The following PACRG variants were observed in gnomAD, a reference collection of about 807,000 sequenced individuals.
PACRG encodes parkin coregulated gene protein.
Under a neutral mutation model 29.7 loss-of-function variants are expected in PACRG, and 29 were observed. The observed-to-expected ratio is 0.98, with a 90% CI of 0.73 to 1.33. The LOEUF is 1.33. PACRG is among the 40% of genes most tolerant of loss of function. PACRG has a pLI of 0.00. For missense variants in PACRG, 279 were observed against 316.2 expected (o/e 0.88, Z 0.89); for synonymous variants, 116 against 118.7 (o/e 0.98, Z 0.15).
chr6:162,906,154 T>C (rs1406614169), intron 2 of PACRG, among the ~76,000 whole-genome samples: 1 of 152,258 alleles, frequency 6.6e-6, no homozygotes, highest in Non-Finnish European at 1.5e-5. Context: ...ATTTTAATAA[T>C]GATTTTTTGT....
chr6:162,775,959 G>A (rs1216704548), intron 1 of PACRG, among the ~76,000 whole-genome samples: 1 of 152,086 alleles, frequency 6.6e-6, no homozygotes, highest in African/African-American at 2.4e-5. Context: ...AGGTTTTGTG[G>A]GGCTTGAAGC....
At chr6:162,864,423 G>T (rs1220254413) in intron 2 of PACRG, among the ~76,000 whole-genome samples, 2 of 151,936 alleles carry the variant, frequency 1.3e-5, no homozygotes, top group African/African-American at 4.8e-5. Context: ...CTTATTCTAG[G>T]TGCTCACACA....
chr6:162,741,569 A>G (rs1269394463), intron 1 of PACRG, among the ~76,000 whole-genome samples: 2 of 152,034 alleles, frequency 1.3e-5, no homozygotes, highest in African/African-American at 2.4e-5. Flanking sequence ...TAAAGGCCCC[A>G]TTCTCAAGAC....
intron 1 of PACRG, among the ~76,000 whole-genome samples, chr6:162,811,019 CAG>C (rs1327157276): frequency 2.0e-5 from 3 of 151,954 alleles, no homozygotes; most frequent in Non-Finnish European, 4.4e-5. Context: ...AAATTAAAGA[CAG>C]AGAAAAATCG....
chr6:162,820,940 T>A (rs1787791371), intron 2 of PACRG, among the ~76,000 whole-genome samples: 1 of 152,104 alleles, frequency 6.6e-6, no homozygotes, highest in Non-Finnish European at 1.5e-5. Context: ...GATTAATTAA[T>A]AGACAGAGCT....
chr6:163,118,557 G>C (rs1177646424), intron 4 of PACRG, among the ~76,000 whole-genome samples: 1 of 152,182 alleles, frequency 6.6e-6, no homozygotes, highest in Non-Finnish European at 1.5e-5. Flanking sequence ...ATTCATGTTA[G>C]GCTGATCCTA....
chr6:162,829,846 T>A (rs1001188520), intron 2 of PACRG, among the ~76,000 whole-genome samples: 15 of 152,140 alleles, frequency 9.9e-5, no homozygotes, highest in African/African-American at 2.7e-4. Context: ...AGATGTGGCA[T>A]ATTTGGGGAT....
chr6:162,905,854 T>A (rs926464532), intron 2 of PACRG, among the ~76,000 whole-genome samples: 2 of 152,010 alleles, frequency 1.3e-5, no homozygotes, highest in Non-Finnish European at 1.5e-5. Flanking sequence ...GAGAGTGAAA[T>A]GGTGGTTATT....
intron 1 of PACRG, among the ~76,000 whole-genome samples, chr6:162,784,952 C>G (rs1316158907): frequency 6.6e-6 from 1 of 152,062 alleles, no homozygotes; most frequent in Non-Finnish European, 1.5e-5. Flanking sequence ...TTGGAAAATC[C>G]AACTGCTTCT....
chr6:163,289,634 G>A (rs377230097), intron 4 of PACRG, among the ~76,000 whole-genome samples: 6 of 152,044 alleles, frequency 3.9e-5, no homozygotes, highest in Admixed American at 6.6e-5. Context: ...CATGTCCATC[G>A]GGTAAATCCT....
At chr6:163,178,471 A>C (rs535303013) in intron 4 of PACRG, among the ~76,000 whole-genome samples, 135 of 152,272 alleles carry the variant, frequency 8.9e-4, no homozygotes, top group African/African-American at 3.2e-3. Flanking sequence ...GCTATGGAGT[A>C]ATCTTGAGAC....
intron 4 of PACRG, among the ~76,000 whole-genome samples, chr6:163,205,524 C>G (rs1384578680): frequency 6.6e-6 from 1 of 152,184 alleles, no homozygotes; most frequent in Admixed American, 6.5e-5. Context: ...AAGATTCAAA[C>G]TGGACCCCTT....
At chr6:162,851,985 A>AAGGGAGGG (rs138868271) in intron 2 of PACRG, among the ~76,000 whole-genome samples, 1 of 113,934 alleles carries the variant, frequency 8.8e-6, no homozygotes. Context: ...GAGAAAAGAA[A>AAGGGAGGG]AGGGAGGGAG....
At chr6:162,999,961 T>C (rs1322785626) in intron 2 of PACRG, among the ~76,000 whole-genome samples, 2 of 152,142 alleles carry the variant, frequency 1.3e-5, no homozygotes, top group East Asian at 3.9e-4. Context: ...ATGGTAATAA[T>C]TTTACAGTTT....
At chr6:162,813,481 C>G (rs1430175307) in intron 1 of PACRG, among the ~76,000 whole-genome samples, 1 of 151,990 alleles carries the variant, frequency 6.6e-6, no homozygotes, top group Non-Finnish European at 1.5e-5. Context: ...GGGAATATTT[C>G]TTCTTCAATG....
intron 4 of PACRG, among the ~76,000 whole-genome samples, chr6:163,171,548 C>G (rs779582669): frequency 1.6e-4 from 25 of 152,230 alleles, no homozygotes; most frequent in Non-Finnish European, 2.6e-4. Context: ...AGGCTCCTAT[C>G]TACTCCCAAT....
chr6:163,192,295 T>G (rs552432016), intron 4 of PACRG, among the ~76,000 whole-genome samples: 3 of 152,244 alleles, frequency 2.0e-5, no homozygotes, highest in Non-Finnish European at 4.4e-5. Context: ...TCAGTTCCCT[T>G]GTTGACTGTT....
intron 4 of PACRG, among the ~76,000 whole-genome samples, chr6:163,267,895 TAAAAC>T (rs1307161441): frequency 6.6e-6 from 1 of 152,142 alleles, no homozygotes; most frequent in Non-Finnish European, 1.5e-5. Context: ...ATCTGAGAAA[TAAAAC>T]AAAGTAACAC....
chr6:163,312,088 T>C (rs1349151788), intron 4 of PACRG, among the ~76,000 whole-genome samples: 1 of 152,226 alleles, frequency 6.6e-6, no homozygotes, highest in African/African-American at 2.4e-5. Flanking sequence ...CATCATCAAC[T>C]ATCTTTTCCG....
Sources: gnomAD v4.1 joint callset for allele counts (sites outside exome capture counted in the v4.1 genomes callset) on GRCh38, gnomAD v4.1.1 for gene constraint, MANE v1.5 for transcripts, NCBI Gene and HGNC (gene_info 2026-07-23, HGNC 2026-07-21) for gene names.